Variants in USP3 observed in about 807,000 individuals in gnomAD.
USP3 encodes the protein ubiquitin specific peptidase 3.
In USP3, 20 loss-of-function variants were observed where a neutral mutation model predicts 72.3. The observed-to-expected ratio is 0.28, with a 90% CI of 0.19 to 0.40. USP3 has a LOEUF of 0.40. Among genes scored for constraint, USP3 ranks in the 10% least tolerant of loss-of-function variants. The pLI is 1.00. For missense variants in USP3, 479 were observed against 633.9 expected (o/e 0.76, Z 2.62); for synonymous variants, 222 against 225.3 (o/e 0.99, Z 0.13).
In USP3 at chr15:63,591,023, T is replaced by C. The variant is rs2067188981; in HGVS notation, c.*197T>C. ...TGTTCTACCAGAAAACCTCAGCAGA[T>C]GTTTTGATTTGCTGCTTTAGTTGTA... On this transcript the variant is annotated 3_prime_UTR_variant, in exon 15 of 15. Transcript: ENST00000380324. 1.8e-6 allele frequency: 1 copy of C among 556,760 alleles called. No individual in the cohort carries two copies. The allele number at this position is 556,760 out of a possible 1,614,324, so 34.5% of individuals were successfully genotyped here. A position where few individuals can be genotyped will look rare whatever the true frequency, so the allele number is the denominator to read the frequency against.
At chr15:63,539,021 ATTG>A (rs901349252) in intron 3 of USP3, among the ~76,000 whole-genome samples, 3 of 152,036 alleles carry the variant, frequency 2.0e-5, no homozygotes, top group African/African-American at 7.2e-5. Flanking sequence ...TGCTCAGTTT[ATTG>A]TTATTTGCTG....
intron 1 of USP3, among the ~76,000 whole-genome samples, chr15:63,513,861 A>G (rs1019161303): frequency 1.3e-5 from 2 of 152,366 alleles, no homozygotes; most frequent in African/African-American, 4.8e-5. Context: ...AAAATGTTCT[A>G]CTATATTAGG....
chr15:63,504,853 C>T (rs372714700), intron 1 of USP3, 23 bp downstream of exon 1: 67 of 1,564,410 alleles, frequency 4.3e-5, no homozygotes, highest in Middle Eastern at 1.9e-4. Context: ...ACGGGCCGGC[C>T]CCGCAGCGCA....
chr15:63,512,317 T>C (rs1341468110), intron 1 of USP3, among the ~76,000 whole-genome samples: 1 of 120,862 alleles, frequency 8.3e-6, no homozygotes, highest in African/African-American at 3.5e-5. Context: ...CTTCTTCTTC[T>C]TCCTCTTCTT....
Position 63,591,307 on chromosome 15 carries a change from A to G in USP3, c.*481A>G, listed in dbSNP as rs147151352. 6.5e-6 allele frequency: 1 copy of G among 153,106 alleles called. No homozygotes were observed. The highest frequency in any genetic ancestry group is 1.9e-4 in the East Asian group (1 of 5,204). The allele number at this position is 153,106 out of a possible 1,614,324, so 9.5% of individuals were successfully genotyped here. A position where few individuals can be genotyped will look rare whatever the true frequency, so the allele number is the denominator to read the frequency against. Reference sequence around the variant, plus strand: ...ATACTTGTGGCCCACAAAATTTCACAATGACTGCTGAGGAATCATTCTTTT... The same window carrying G: ...ATACTTGTGGCCCACAAAATTTCACGATGACTGCTGAGGAATCATTCTTTT... On this transcript the variant is annotated 3_prime_UTR_variant, in exon 15 of 15. Coordinates refer to ENST00000380324, the MANE Select transcript of USP3 (RefSeq NM_006537.4).
intron 11 of USP3, among the ~76,000 whole-genome samples, chr15:63,580,660 A>ATGT: frequency 8.8e-6 from 1 of 113,024 alleles, no homozygotes; most frequent in African/African-American, 3.8e-5. Context: ...ATGAATATAT[A>ATGT]ATATATATAT....
chr15:63,586,419 TCTCC>T (rs1178255108), intron 11 of USP3, among the ~76,000 whole-genome samples: 1 of 152,192 alleles, frequency 6.6e-6, no homozygotes, highest in Non-Finnish European at 1.5e-5. Flanking sequence ...TATTTCTTAT[TCTCC>T]CTATGACCCC....
chr15:63,517,221 T>C (rs2065861885), intron 1 of USP3, among the ~76,000 whole-genome samples: 1 of 152,080 alleles, frequency 6.6e-6, no homozygotes, highest in South Asian at 2.1e-4. Context: ...TTCCTTGATA[T>C]TTTTTCTTCC....
intron 5 of USP3, chr15:63,556,976 T>G: frequency 2.6e-6 from 1 of 386,936 alleles, no homozygotes; most frequent in Non-Finnish European, 4.8e-6. Context: ...TGTGCTCCTC[T>G]TCCCTAGAAA....
Position 63,591,097 on chromosome 15 carries a change from TTTTTA to T in USP3, c.*278_*282del, listed in dbSNP as rs375985158. On this transcript the variant is annotated 3_prime_UTR_variant, in exon 15 of 15. Coordinates refer to ENST00000380324, the MANE Select transcript of USP3 (RefSeq NM_006537.4). The stretch of plus-strand genomic sequence containing the variant: ...TGTAAGAACTTAGTCTTATTTGACT[TTTTTA>T]TTTTATGTTAATGTTTTCAGTTCTC... 47 of 326,434 alleles carry T rather than the reference TTTTTA, an allele frequency of 1.4e-4. No individual in the cohort carries two copies. The highest frequency in any genetic ancestry group is 8.6e-4 in the African/African-American group (40 of 46,526). The allele number at this position is 326,434 out of a possible 1,614,324, so 20.2% of individuals were successfully genotyped here.
chr15:63,542,888 G>T (rs2066265414), intron 3 of USP3, among the ~76,000 whole-genome samples: 1 of 152,044 alleles, frequency 6.6e-6, no homozygotes, highest in Non-Finnish European at 1.5e-5. Flanking sequence ...CAAATAATTG[G>T]CATAAATATT....
chr15:63,520,137 A>G (rs1007316367), intron 1 of USP3, among the ~76,000 whole-genome samples: 4 of 152,188 alleles, frequency 2.6e-5, no homozygotes, highest in African/African-American at 9.7e-5. Context: ...TGAGAAATAT[A>G]AATAAATAAG....
chr15:63,532,369 GTAA>G, intron 1 of USP3: 1 of 481,616 alleles, frequency 2.1e-6, no homozygotes. Flanking sequence ...AAGGGAATAA[GTAA>G]TAAAGGAGAC....
intron 1 of USP3, among the ~76,000 whole-genome samples, chr15:63,518,383 C>T (rs946404154): frequency 3.3e-5 from 5 of 152,114 alleles, no homozygotes; most frequent in Admixed American, 2.6e-4. Context: ...CATTGTAATA[C>T]TTTTATTGGA....
intron 1 of USP3, among the ~76,000 whole-genome samples, chr15:63,525,588 A>G (rs1010480946): frequency 1.3e-5 from 2 of 152,072 alleles, no homozygotes; most frequent in South Asian, 4.1e-4. Flanking sequence ...TTGTGACTTT[A>G]CCAACTCCTC....
At chr15:63,512,402 C>CTTTTTCT (rs2065801995) in intron 1 of USP3, among the ~76,000 whole-genome samples, 5 of 147,790 alleles carry the variant, frequency 3.4e-5, no homozygotes, top group Admixed American at 2.0e-4. Context: ...TTTCTTCCTT[C>CTTTTTCT]TTCTTCTTTC....
intron 11 of USP3, among the ~76,000 whole-genome samples, chr15:63,581,344 TTTG>T (rs2066955834): frequency 7.6e-6 from 1 of 131,088 alleles, no homozygotes; most frequent in Non-Finnish European, 1.6e-5. Context: ...TGTGTTGGTT[TTTG>T]TGTGTGTGTG....
chr15:63,558,893 T>A (rs148735081), intron 6 of USP3, among the ~76,000 whole-genome samples: 5,701 of 151,946 alleles, frequency 0.038, 212 homozygotes, highest in African/African-American at 0.1. Flanking sequence ...ATAAATTAAT[T>A]AATTAATTAA....
chr15:63,535,321 T>G (rs2066139710), intron 2 of USP3, among the ~76,000 whole-genome samples: 1 of 152,226 alleles, frequency 6.6e-6, no homozygotes. Flanking sequence ...AAGCAATTGT[T>G]GTTTGGATTC....
Sources: allele counts gnomAD v4.1 joint callset (sites outside exome capture counted in the v4.1 genomes callset), GRCh38; gene constraint gnomAD v4.1.1; transcripts MANE v1.5; gene names NCBI Gene and HGNC (gene_info 2026-07-23, HGNC 2026-07-21).